Variants in IGSF3 observed in about 807,000 individuals in gnomAD.
IGSF3 encodes the protein immunoglobulin superfamily member 3.
Under a neutral mutation model 114.4 loss-of-function variants are expected in IGSF3, and 23 were observed. That is an observed-to-expected ratio of 0.20 (90% CI 0.14 to 0.28). The LOEUF (loss-of-function observed/expected upper bound fraction) is 0.28. IGSF3 is among the 10% of genes least tolerant of loss of function. IGSF3 has a pLI of 1.00. For synonymous variants in IGSF3, 571 were observed against 645.2 expected (o/e 0.88, Z 1.74); for missense variants, 1,172 against 1,591.5 (o/e 0.74, Z 4.48).
chr1:116,584,418 T>G lies in IGSF3; in HGVS notation c.2848+227A>C. ...TGGAATAATTAATGGCCAGATTTTATTCTATTTAAGAAATCAAATCACCTT... is the reference window on the plus strand; with the variant it reads ...TGGAATAATTAATGGCCAGATTTTAGTCTATTTAAGAAATCAAATCACCTT... On this transcript the variant is annotated intron_variant, in intron 9 of 10. Coordinates refer to ENST00000369486, the MANE Select transcript of IGSF3 (RefSeq NM_001007237.3). The surrounding 1 kb of genome is among the most constrained non-coding windows in gnomAD (Gnocchi z 5.8). 1.9e-6 allele frequency: 1 copy of G among 516,070 alleles called. No individual in the cohort carries two copies. Among genetic ancestry groups the G allele is most frequent in the Admixed American group, 3.4e-5 (1 of 29,354 alleles). The allele number at this position is 516,070 out of a possible 1,614,324, so 32.0% of individuals were successfully genotyped here. A position where few individuals can be genotyped will look rare whatever the true frequency, so the allele number is the denominator to read the frequency against.
rs1272241922 is a variant in IGSF3, at chr1:116,625,556, C to T, written c.44-9099G>A. Among the ~76,000 whole-genome samples, 1 of 152,190 alleles carries T rather than the reference C, an allele frequency of 6.6e-6. No individual in the cohort carries two copies. Among genetic ancestry groups the T allele is most frequent in the Non-Finnish European group, 1.5e-5 (1 of 68,034 alleles). On this transcript the variant is annotated intron_variant, in intron 2 of 10. Transcript: ENST00000369486. The surrounding 1 kb of genome is among the most constrained non-coding windows in gnomAD (Gnocchi z 4.7). ...CTGGGGAAGTTGAGAAAGAGCCTAA[C>T]AGAGGTAAGGAAGAAGACGGATCAG... is the stretch of plus-strand genomic sequence containing the variant.
chr1:116,592,394 C>T lies in IGSF3; in HGVS notation c.2030-3290G>A, dbSNP rs1660152424. On this transcript the variant is annotated intron_variant, in intron 7 of 10. Coordinates refer to ENST00000369486, the MANE Select transcript of IGSF3 (RefSeq NM_001007237.3). The surrounding 1 kb of genome is among the most constrained non-coding windows in gnomAD (Gnocchi z 4.5). Reference sequence around the variant, plus strand: ...GAGTTGCTCCAGCTCACGCCAGCAGCTGCCTTCACAGCAGCCCCCAGAGGC... The same window carrying T: ...GAGTTGCTCCAGCTCACGCCAGCAGTTGCCTTCACAGCAGCCCCCAGAGGC... Among the ~76,000 whole-genome samples the T allele has an allele frequency of 1.3e-5, 2 of 152,262 alleles. No individual in the cohort carries two copies. The highest frequency in any genetic ancestry group is 3.8e-4 in the East Asian group (2 of 5,200).
In IGSF3 at chr1:116,574,698, A is replaced by ATTGTAGACATAGATGAATCCAGAG. The variant is rs1553207786; in HGVS notation, c.*2590_*2613dup. 4 of 152,654 alleles carry ATTGTAGACATAGATGAATCCAGAG rather than the reference A, an allele frequency of 2.6e-5. No homozygotes were observed. Among genetic ancestry groups the ATTGTAGACATAGATGAATCCAGAG allele is most frequent in the Admixed American group, 1.3e-4 (2 of 15,284 alleles). The allele number at this position is 152,654 out of a possible 1,614,324, so 9.5% of individuals were successfully genotyped here. The stretch of plus-strand genomic sequence containing the variant: ...CAGTGTAGTTTTTCATAAATGCAAC[A>ATTGTAGACATAGATGAATCCAGAG]TTGTAGACATAGATGAATCCAGAGT... On this transcript the variant is annotated 3_prime_UTR_variant, in exon 11 of 11. Transcript: ENST00000369486. This position sits in a 1 kb window ranked among gnomAD's most constrained non-coding sequence, Gnocchi z 5.2.
rs1302361146 is a variant in IGSF3, at chr1:116,647,380, T to C, written c.43+18904A>G. Among the ~76,000 whole-genome samples the C allele has an allele frequency of 6.6e-6, 1 of 152,194 alleles. No homozygotes were observed. Among genetic ancestry groups the C allele is most frequent in the Non-Finnish European group, 1.5e-5 (1 of 68,026 alleles). On this transcript the variant is annotated intron_variant, in intron 2 of 10. Transcript: ENST00000369486. This position sits in a 1 kb window ranked among gnomAD's most constrained non-coding sequence, Gnocchi z 4.6. ...GTCGTGCCTTTATGGCTCGCAACTA[T>C]GTGCTGAGTGTGGCCCAAATTCCAG...
At chr1:116,590,200 G>C (rs910142865) in intron 7 of IGSF3, among the ~76,000 whole-genome samples, 6 of 151,996 alleles carry the variant, frequency 3.9e-5, no homozygotes, top group African/African-American at 1.5e-4. Flanking sequence ...AGGGCAGCCT[G>C]TGGAGCGCCT....
At position 116,579,429 on chromosome 1, in the gene IGSF3, C is replaced by T. The variant is rs1659492996; in HGVS notation, c.3297G>A (p.Glu1099=). The change falls in exon 10 of 11, where the codon GAG becomes GAA. Residue 1099 remains glutamate (E), a synonymous_variant. Coordinates refer to ENST00000369486, the MANE Select transcript of IGSF3 (RefSeq NM_001007237.3). The surrounding 1 kb of genome is among the most constrained non-coding windows in gnomAD (Gnocchi z 6.4). ...CACGGATGCCGATGGGGGCTGACTC[C>T]TCCTCCGTCAGCCGGTACCATTCCT... is the stretch of plus-strand genomic sequence containing the variant. ...PQKEWYRLTE[E]ESAPIGIRVL... 2 of 1,600,386 alleles carry T rather than the reference C, an allele frequency of 1.2e-6. No homozygotes were observed. Among genetic ancestry groups the T allele is most frequent in the Non-Finnish European group, 8.5e-7 (1 of 1,172,202 alleles).
rs998443600 is a variant in IGSF3 at position 116,603,472 on chromosome 1, A to C, written c.1624+152T>G. The C allele has an allele frequency of 3.1e-5, 23 of 744,866 alleles. No individual in the cohort carries two copies. The highest frequency in any genetic ancestry group is 4.6e-5 in the Non-Finnish European group (21 of 459,318). The allele number at this position is 744,866 out of a possible 1,614,324, so 46.1% of individuals were successfully genotyped here. ...TTAATTAAACCCTTATAAGAAATAA[A>C]ATAGACATAAAGGAAAGTACTTCAA... On this transcript the variant is annotated intron_variant, in intron 6 of 10. Coordinates refer to ENST00000369486, the MANE Select transcript of IGSF3 (RefSeq NM_001007237.3). This position sits in a 1 kb window ranked among gnomAD's most constrained non-coding sequence, Gnocchi z 7.1.
Position 116,648,043 on chromosome 1 carries a change from G to A in IGSF3, c.43+18241C>T, listed in dbSNP as rs375244549. ...CGCTTGAACCTGGGAGGCAGAGGTT[G>A]CGATAAGCTGAGATTGGGCCACTGC... On this transcript the variant is annotated intron_variant, in intron 2 of 10. Coordinates refer to ENST00000369486, the MANE Select transcript of IGSF3 (RefSeq NM_001007237.3). The surrounding 1 kb of genome is among the most constrained non-coding windows in gnomAD (Gnocchi z 4.7). Among the ~76,000 whole-genome samples, 5 of 152,276 alleles carry A rather than the reference G, an allele frequency of 3.3e-5. No individual in the cohort carries two copies. The South Asian group carries it at 1.0e-3, about 32-fold the overall frequency.
At position 116,652,222 on chromosome 1, in the gene IGSF3, C is replaced by T. The variant is rs559538531; in HGVS notation, c.43+14062G>A. Among the ~76,000 whole-genome samples, 8 of 152,302 alleles carry T rather than the reference C, an allele frequency of 5.3e-5. No homozygotes were observed. In the South Asian group the frequency reaches 8.3e-4, roughly 16 times the overall value. Reference sequence around the variant, plus strand: ...TATTTAAAATACTTAAGAGAACAAACGGTTTTCAAGCTCAGTCTAGTATTT... The same window carrying T: ...TATTTAAAATACTTAAGAGAACAAATGGTTTTCAAGCTCAGTCTAGTATTT... On this transcript the variant is annotated intron_variant, in intron 2 of 10. Coordinates refer to ENST00000369486, the MANE Select transcript of IGSF3 (RefSeq NM_001007237.3).
At position 116,583,486 on chromosome 1, in the gene IGSF3, A is replaced by G. The variant is rs1351452286; in HGVS notation, c.2848+1159T>C. Among the ~76,000 whole-genome samples the G allele has an allele frequency of 2.0e-5, 3 of 152,236 alleles. No homozygotes were observed. The highest frequency in any genetic ancestry group is 7.2e-5 in the African/African-American group (3 of 41,462). Reference sequence around the variant, plus strand: ...AACCAAGGCTGCAGTGCCTCCCTGAAGCATGTTCCATGACATAAGAGACCT... The same window carrying G: ...AACCAAGGCTGCAGTGCCTCCCTGAGGCATGTTCCATGACATAAGAGACCT... On this transcript the variant is annotated intron_variant, in intron 9 of 10. Coordinates refer to ENST00000369486, the MANE Select transcript of IGSF3 (RefSeq NM_001007237.3). The surrounding 1 kb of genome is among the most constrained non-coding windows in gnomAD (Gnocchi z 4.5).
rs1201076360 is a variant in IGSF3, at chr1:116,588,514, C to G, written c.2440+180G>C. ...AGTCTGCCGTCAGCATCAGGACCCACTGCAGGTAAAATGGATGGGATTGCA... is the reference window on the plus strand; with the variant it reads ...AGTCTGCCGTCAGCATCAGGACCCAGTGCAGGTAAAATGGATGGGATTGCA... On this transcript the variant is annotated intron_variant, in intron 8 of 10. Coordinates refer to ENST00000369486, the MANE Select transcript of IGSF3 (RefSeq NM_001007237.3). This position sits in a 1 kb window ranked among gnomAD's most constrained non-coding sequence, Gnocchi z 4.9. 6.6e-6 allele frequency among the ~76,000 whole-genome samples: 1 copy of G among 152,194 alleles called. No individual in the cohort carries two copies. Among genetic ancestry groups the G allele is most frequent in the Non-Finnish European group, 1.5e-5 (1 of 68,032 alleles).
chr1:116,659,801 A>G (rs1298063997), intron 2 of IGSF3, among the ~76,000 whole-genome samples: 2 of 152,196 alleles, frequency 1.3e-5, no homozygotes, highest in Non-Finnish European at 2.9e-5. Context: ...ATTTTTAGTA[A>G]GATGAGGTCT....
At chr1:116,613,191 G>A (rs780949409) in intron 4 of IGSF3, among the ~76,000 whole-genome samples, 5 of 152,148 alleles carry the variant, frequency 3.3e-5, no homozygotes, top group Non-Finnish European at 5.9e-5. Flanking sequence ...CTCACAGAAC[G>A]TCTGGGGGAT....
At chr1:116,601,151 C>T (rs2101433963) in intron 6 of IGSF3, among the ~76,000 whole-genome samples, 1 of 152,286 alleles carries the variant, frequency 6.6e-6, no homozygotes, top group African/African-American at 2.4e-5. Context: ...CATCATGCTC[C>T]ACTGAATCCC....
rs1400476201 is a variant in IGSF3 at position 116,636,711 on chromosome 1, T to C, written c.44-20254A>G. ...AGGGGCTGGAACCCTGTCTTTTGCC[T>C]CGAAGCACAGGGCCCTCCTTCTGTC... On this transcript the variant is annotated intron_variant, in intron 2 of 10. Transcript: ENST00000369486. This position sits in a 1 kb window ranked among gnomAD's most constrained non-coding sequence, Gnocchi z 4.5. Among the ~76,000 whole-genome samples the C allele has an allele frequency of 6.6e-6, 1 of 152,108 alleles. No individual in the cohort carries two copies. The highest frequency in any genetic ancestry group is 1.5e-5 in the Non-Finnish European group (1 of 68,018).
In IGSF3 at chr1:116,612,407, C is replaced by G. The variant is rs1661055443; in HGVS notation, c.832+1358G>C. On this transcript the variant is annotated intron_variant, in intron 4 of 10. Coordinates refer to ENST00000369486, the MANE Select transcript of IGSF3 (RefSeq NM_001007237.3). The surrounding 1 kb of genome is among the most constrained non-coding windows in gnomAD (Gnocchi z 4.1). ...AATTGCTTCTGCCCTAGAAGCTTTG[C>G]TTGAAAAAAATGTAGATAGCAGAAG... is the stretch of plus-strand genomic sequence containing the variant. Among the ~76,000 whole-genome samples the G allele has an allele frequency of 6.6e-6, 1 of 152,096 alleles. No homozygotes were observed. Among genetic ancestry groups the G allele is most frequent in the African/African-American group, 2.4e-5 (1 of 41,424 alleles).
At position 116,589,348 on chromosome 1, in the gene IGSF3, C is replaced by A. The variant is rs1041314928; in HGVS notation, c.2030-244G>T. Among the ~76,000 whole-genome samples the A allele has an allele frequency of 6.6e-6, 1 of 152,116 alleles. No individual in the cohort carries two copies. The highest frequency in any genetic ancestry group is 1.5e-5 in the Non-Finnish European group (1 of 68,022). ...TCCCCTATCCACTGCCTGCACAGCC[C>A]ACCATCACAGGGCCTCCAAGGGTGA... is the stretch of plus-strand genomic sequence containing the variant. On this transcript the variant is annotated intron_variant, in intron 7 of 10. Coordinates refer to ENST00000369486, the MANE Select transcript of IGSF3 (RefSeq NM_001007237.3). This position sits in a 1 kb window ranked among gnomAD's most constrained non-coding sequence, Gnocchi z 5.7.
At position 116,579,604 on chromosome 1, in the gene IGSF3, A is replaced by T; in HGVS notation, c.3122T>A (p.Val1041Asp). Residue 1041 changes from valine (V) to aspartate (D), a missense_variant, in exon 10 of 11, where the codon GTC becomes GAC. Physicochemically the swap from Val to Asp is radical, Grantham distance 152. Around this residue, in one of 3 missense-constraint regions of IGSF3, gnomAD observed 423 missense variants for 509.8 expected, o/e 0.83. Coordinates refer to ENST00000369486, the MANE Select transcript of IGSF3 (RefSeq NM_001007237.3). This position sits in a 1 kb window ranked among gnomAD's most constrained non-coding sequence, Gnocchi z 6.4. ...CCAAGGACTGCCCTCTGGGCCAAAG[A>T]CAGCATCTGGGCCCACGCTCAGCAG... ...TALLSVGPDAVFGPEGSPWEG... is the reference protein window; with the variant it reads ...TALLSVGPDADFGPEGSPWEG... 6.2e-7 allele frequency: 1 copy of T among 1,614,100 alleles called. No individual in the cohort carries two copies. The highest frequency in any genetic ancestry group is 8.5e-7 in the Non-Finnish European group (1 of 1,180,010).
Position 116,625,733 on chromosome 1 carries a change from T to C in IGSF3, c.44-9276A>G, listed in dbSNP as rs550236075. Among the ~76,000 whole-genome samples, 14 of 152,344 alleles carry C rather than the reference T, an allele frequency of 9.2e-5. No homozygotes were observed. Among genetic ancestry groups the C allele is most frequent in the Admixed American group, 6.5e-4 (10 of 15,308 alleles). ...AAGGACAAAAATATCATTCATTCACTCTTTCATTCTTTCTCTTATCTGAAT... is the reference window on the plus strand; with the variant it reads ...AAGGACAAAAATATCATTCATTCACCCTTTCATTCTTTCTCTTATCTGAAT... On this transcript the variant is annotated intron_variant, in intron 2 of 10. Coordinates refer to ENST00000369486, the MANE Select transcript of IGSF3 (RefSeq NM_001007237.3). The surrounding 1 kb of genome is among the most constrained non-coding windows in gnomAD (Gnocchi z 4.7).
Sources: gnomAD v4.1 joint callset for allele counts (sites outside exome capture counted in the v4.1 genomes callset) on GRCh38, gnomAD v4.1.1 for gene constraint, gnomAD v4.1.1 regional missense constraint, Gnocchi (gnomAD v3.1) non-coding constraint, MANE v1.5 for transcripts, NCBI Gene and HGNC (gene_info 2026-07-23, HGNC 2026-07-21) for gene names.